The following LSAMP variants were observed in gnomAD, a reference collection of about 807,000 sequenced individuals.
LSAMP encodes the protein limbic system-associated membrane protein.
LSAMP carries 7 observed loss-of-function variants against 38.6 expected under a neutral mutation model. The observed-to-expected ratio is 0.18, with a 90% confidence interval of 0.10 to 0.34. The LOEUF is 0.34. Ranked by LOEUF, LSAMP falls within the 10% of genes least tolerant of loss-of-function variation. The pLI is 1.00. For synonymous variants in LSAMP, 154 were observed against 166.8 expected (o/e 0.92, Z 0.59); for missense variants, 313 against 420.0 (o/e 0.75, Z 2.23).
chr3:116,072,751 G>GTTTTTTTTTTTTTT (rs1559731710), intron 2 of LSAMP, among the ~76,000 whole-genome samples: 1 of 118,706 alleles, frequency 8.4e-6, no homozygotes, highest in Non-Finnish European at 1.8e-5. Context: ...GGTTGTTTGT[G>GTTTTTTTTTTTTTT]GTTTTTTTTT....
At chr3:116,152,384 G>A (rs1466164190) in intron 1 of LSAMP, among the ~76,000 whole-genome samples, 5 of 152,204 alleles carry the variant, frequency 3.3e-5, no homozygotes, top group Non-Finnish European at 1.5e-5. Context: ...GCTAAGGAAT[G>A]TGCAGAAAGT....
chr3:115,961,257 A>T (rs114599901), intron 3 of LSAMP, among the ~76,000 whole-genome samples: 2 of 152,202 alleles, frequency 1.3e-5, no homozygotes, highest in East Asian at 3.8e-4. Flanking sequence ...AGCCTCCTAA[A>T]GTCAGAAGAG....
Position 116,299,777 on chromosome 3 carries a change from G to A in LSAMP, c.155+145100C>T, listed in dbSNP as rs116892365. On this transcript the variant is annotated intron_variant, in intron 1 of 6. Coordinates refer to ENST00000490035, the MANE Select transcript of LSAMP (RefSeq NM_002338.5). Reference sequence around the variant, plus strand: ...CTACAGCTCAGAAAAGAAACAAATCGTCTATATGGAAGTCCAGTCTTGCTG... The same window carrying A: ...CTACAGCTCAGAAAAGAAACAAATCATCTATATGGAAGTCCAGTCTTGCTG... Among the ~76,000 whole-genome samples the A allele has an allele frequency of 7.6e-4, 116 of 152,256 alleles. 2 individuals are homozygous for A. In the East Asian group the frequency reaches 0.019, roughly 25 times the overall value.
At chr3:115,936,247 T>A (rs1471879481) in intron 3 of LSAMP, among the ~76,000 whole-genome samples, 2 of 152,212 alleles carry the variant, frequency 1.3e-5, no homozygotes, top group Non-Finnish European at 2.9e-5. Flanking sequence ...AGATTTCATG[T>A]GGATCTTTAT....
At chr3:115,835,101 T>TTTCCC (rs774601462) in intron 6 of LSAMP, among the ~76,000 whole-genome samples, 1 of 152,172 alleles carries the variant, frequency 6.6e-6, no homozygotes, top group Non-Finnish European at 1.5e-5. Flanking sequence ...TAGCTCAACT[T>TTTCCC]TTCCCTTAGG....
chr3:116,421,341 G>A (rs530133608), intron 1 of LSAMP, among the ~76,000 whole-genome samples: 4 of 152,114 alleles, frequency 2.6e-5, no homozygotes, highest in South Asian at 4.2e-4. Context: ...AGGCTGAGGC[G>A]GGTGGATCAC....
At chr3:115,914,061 T>C (rs1406364411) in intron 3 of LSAMP, among the ~76,000 whole-genome samples, 1 of 152,162 alleles carries the variant, frequency 6.6e-6, no homozygotes, top group Non-Finnish European at 1.5e-5. Flanking sequence ...GTAAGTTTCA[T>C]AAGATAATCA....
At chr3:115,940,623 A>G (rs191854793) in intron 3 of LSAMP, among the ~76,000 whole-genome samples, 61 of 152,282 alleles carry the variant, frequency 4.0e-4, no homozygotes, top group African/African-American at 1.4e-3. Flanking sequence ...ATTCTTTTAT[A>G]CATGGATATC....
chr3:116,336,209 A>G (rs1271362215), intron 1 of LSAMP, among the ~76,000 whole-genome samples: 2 of 152,034 alleles, frequency 1.3e-5, no homozygotes, highest in Admixed American at 6.6e-5. Flanking sequence ...TGGCAATGAT[A>G]TCTTGGCTAT....
intron 2 of LSAMP, among the ~76,000 whole-genome samples, chr3:116,078,036 T>C (rs898517855): frequency 6.6e-6 from 1 of 152,248 alleles, no homozygotes; most frequent in African/African-American, 2.4e-5. Flanking sequence ...TGATTAATAT[T>C]GTGTCAGTTA....
At chr3:116,347,323 C>T (rs1383169498) in intron 1 of LSAMP, among the ~76,000 whole-genome samples, 4 of 152,270 alleles carry the variant, frequency 2.6e-5, no homozygotes, top group African/African-American at 4.8e-5. Context: ...AGTATTTTCA[C>T]GGTTAGTAGG....
At chr3:116,435,944 G>T (rs770267914) in intron 1 of LSAMP, among the ~76,000 whole-genome samples, 1 of 152,142 alleles carries the variant, frequency 6.6e-6, no homozygotes, top group Non-Finnish European at 1.5e-5. Flanking sequence ...AAATTCAGAT[G>T]AGAAGACTGA....
intron 1 of LSAMP, among the ~76,000 whole-genome samples, chr3:116,372,975 A>C (rs2048448751): frequency 6.6e-6 from 1 of 151,484 alleles, no homozygotes; most frequent in Non-Finnish European, 1.5e-5. Context: ...TGGAATACCA[A>C]CACCTGTACC....
chr3:116,082,860 G>C (rs1707902559), intron 2 of LSAMP, among the ~76,000 whole-genome samples: 1 of 152,014 alleles, frequency 6.6e-6, no homozygotes, highest in Non-Finnish European at 1.5e-5. Flanking sequence ...CACAAAGAAG[G>C]AAACAACAGA....
intron 1 of LSAMP, among the ~76,000 whole-genome samples, chr3:116,130,973 T>C (rs1055992930): frequency 6.6e-6 from 1 of 151,104 alleles, no homozygotes; most frequent in African/African-American, 2.4e-5. Flanking sequence ...GTAACAACTG[T>C]TTAAGGTTCC....
intron 1 of LSAMP, among the ~76,000 whole-genome samples, chr3:116,196,424 T>G (rs1174923142): frequency 6.6e-6 from 1 of 152,168 alleles, no homozygotes; most frequent in Non-Finnish European, 1.5e-5. Flanking sequence ...TCTACTAAAC[T>G]CACTCATGTC....
chr3:116,033,216 C>G (rs1940967873), intron 2 of LSAMP, among the ~76,000 whole-genome samples: 2 of 152,106 alleles, frequency 1.3e-5, no homozygotes, highest in South Asian at 4.1e-4. Flanking sequence ...AATGGTCTTT[C>G]TCCTCTCTCC....
chr3:115,956,715 T>C (rs371813309), intron 3 of LSAMP, among the ~76,000 whole-genome samples: 32 of 152,344 alleles, frequency 2.1e-4, no homozygotes, highest in African/African-American at 7.0e-4. Context: ...GAAGCTTATA[T>C]AGTTAAAATT....
intron 1 of LSAMP, among the ~76,000 whole-genome samples, chr3:116,377,757 C>G (rs2048512529): frequency 6.6e-6 from 1 of 151,896 alleles, no homozygotes; most frequent in African/African-American, 2.4e-5. Flanking sequence ...TCCCATGGAG[C>G]CCTTTATATA....
Sources: gnomAD v4.1 joint callset for allele counts (sites outside exome capture counted in the v4.1 genomes callset) on GRCh38, gnomAD v4.1.1 for gene constraint, MANE v1.5 for transcripts, NCBI Gene and HGNC (gene_info 2026-07-23, HGNC 2026-07-21) for gene names.